The following TMEM92 variants were observed in gnomAD, a reference collection of about 807,000 sequenced individuals.
The protein encoded by TMEM92 is transmembrane protein 92.
A neutral mutation model predicts 14.6 loss-of-function variants in TMEM92; 15 were observed. The observed-to-expected ratio is 1.03, with a 90% CI of 0.69 to 1.58. TMEM92 has a LOEUF of 1.58. Among genes scored for constraint, TMEM92 ranks in the 40% most tolerant of loss-of-function variants. The pLI is 0.00. For missense variants in TMEM92, 174 were observed against 202.4 expected, an observed-to-expected ratio of 0.86 and a Z score of 0.85; for synonymous variants, 85 against 83.3, an observed-to-expected ratio of 1.02 and a Z score of -0.11.
At chr17:50,274,178 A>G (rs1380916760), upstream of TMEM92, among the ~76,000 whole-genome samples, 2 of 151,792 alleles carry the variant, frequency 1.3e-5, no homozygotes, top group Admixed American at 6.6e-5. Context: ...GGGGGGTCTC[A>G]CCATGTAGGC....
upstream of TMEM92, among the ~76,000 whole-genome samples, chr17:50,272,831 G>A (rs1167011186): frequency 6.6e-6 from 1 of 151,818 alleles, no homozygotes; most frequent in Non-Finnish European, 1.5e-5. Flanking sequence ...AGACGCCTCC[G>A]CCGAGGCAGA....
intron 1 of TMEM92, among the ~76,000 whole-genome samples, chr17:50,275,832 T>G (rs908025423): frequency 1.3e-5 from 2 of 152,012 alleles, no homozygotes; most frequent in Non-Finnish European, 2.9e-5. Context: ...TCTCTGTATA[T>G]ATATATTTTT....
upstream of TMEM92, among the ~76,000 whole-genome samples, chr17:50,272,391 T>C (rs879769159): frequency 6.6e-5 from 10 of 152,228 alleles, no homozygotes; most frequent in Non-Finnish European, 1.0e-4. Flanking sequence ...GCTCCCAGCC[T>C]GGGCAGGATA....
At chr17:50,273,326 C>T (rs1910314700), upstream of TMEM92, among the ~76,000 whole-genome samples, 1 of 152,172 alleles carries the variant, frequency 6.6e-6, no homozygotes, top group Non-Finnish European at 1.5e-5. Flanking sequence ...GACGCTGCCA[C>T]CTGCCGGCCG....
upstream of TMEM92, among the ~76,000 whole-genome samples, chr17:50,272,238 A>C (rs1214351190): frequency 5.7e-5 from 8 of 139,522 alleles, no homozygotes; most frequent in South Asian, 2.3e-4. Flanking sequence ...CCTCACCCCC[A>C]CTCCTGCTGA....
chr17:50,272,119 G>A (rs886460670), upstream of TMEM92, among the ~76,000 whole-genome samples: 2 of 151,912 alleles, frequency 1.3e-5, no homozygotes, highest in African/African-American at 4.8e-5. Context: ...TCTTTTGTCC[G>A]GCAACCCTAG....
upstream of TMEM92, chr17:50,271,634 G>A (rs1366031828): frequency 1.3e-5 from 2 of 152,110 alleles, no homozygotes; most frequent in African/African-American, 4.8e-5. Flanking sequence ...GGTTATAAGC[G>A]TGAGCCACTG....
At position 50,280,394 on chromosome 17, in the gene TMEM92, C is replaced by A. The variant is rs535627886; in HGVS notation, c.*1086C>A. 6.6e-6 allele frequency: 1 copy of A among 152,354 alleles called. No homozygotes were observed. The highest frequency in any genetic ancestry group is 6.5e-5 in the Admixed American group (1 of 15,306). 9.4% of individuals were successfully genotyped at this position (152,354 alleles called of 1,614,324 possible). ...AGCCCCGCTCGCTCGTGGGAGTTAA[C>A]CCCCTAGGGGAGAAGAGTCTTCACT... is the stretch of plus-strand genomic sequence containing the variant. On this transcript the variant is annotated 3_prime_UTR_variant, in exon 5 of 5. Transcript: ENST00000507382.
intron 4 of TMEM92, 51 bp downstream of exon 4, chr17:50,279,047 G>C: frequency 6.9e-7 from 1 of 1,445,074 alleles, no homozygotes; most frequent in Non-Finnish European, 9.7e-7. Context: ...CTGTGCAGCA[G>C]AGACAGTGGA....
chr17:50,273,433 C>G (rs1394504262), upstream of TMEM92, among the ~76,000 whole-genome samples: 1 of 152,220 alleles, frequency 6.6e-6, no homozygotes, highest in Non-Finnish European at 1.5e-5. Context: ...CGGGGTCTTT[C>G]CAGGAATCTG....
At chr17:50,276,868 G>T (rs1393354977) in intron 1 of TMEM92, among the ~76,000 whole-genome samples, 1 of 152,196 alleles carries the variant, frequency 6.6e-6, no homozygotes, top group African/African-American at 2.4e-5. Context: ...GTTGACAAGA[G>T]GTGTGGAGAA....
At position 50,279,377 on chromosome 17, in the gene TMEM92, C is replaced by G. The variant is rs1323506887; in HGVS notation, c.*69C>G. 1 of 1,233,914 alleles carries G rather than the reference C, an allele frequency of 8.1e-7. No homozygotes were observed. The highest frequency in any genetic ancestry group is 1.2e-6 in the Non-Finnish European group (1 of 842,582). The allele number at this position is 1,233,914 out of a possible 1,614,324, so 76.4% of individuals were successfully genotyped here. ...AGTGCCTCCTGGATCAAGCTAGAGA[C>G]TGCTGGCACCCCAGGAATGTCCCTG... On this transcript the variant is annotated 3_prime_UTR_variant, in exon 5 of 5. Transcript: ENST00000507382.
Position 50,274,519 on chromosome 17 carries a change from C to T in TMEM92, c.18C>T (p.Val6=), listed in dbSNP as rs1229780687. MSQAW[V]PGLAPTLLFS... Reference sequence around the variant, plus strand: ...AAGCCAGGATGTCCCAAGCTTGGGTCCCCGGCCTCGCGCCCACCTTGCTGT... The same window carrying T: ...AAGCCAGGATGTCCCAAGCTTGGGTTCCCGGCCTCGCGCCCACCTTGCTGT... Residue 6 remains valine, a synonymous_variant, in exon 1 of 5, where the codon GTC becomes GTT. Transcript: ENST00000507382. The T allele has an allele frequency of 1.2e-6, 2 of 1,613,852 alleles. No homozygotes were observed. Among genetic ancestry groups the T allele is most frequent in the African/African-American group, 1.3e-5 (1 of 75,048 alleles).
chr17:50,274,361 A>AGCCCCTCCCT (rs1360461874), upstream of TMEM92: 15 of 785,726 alleles, frequency 1.9e-5, no homozygotes, highest in East Asian at 4.0e-4. Context: ...TCCTCCTCCC[A>AGCCCCTCCCT]GCCCCTCCCT....
chr17:50,271,492 A>C (rs1910243736), upstream of TMEM92: 1 of 152,360 alleles, frequency 6.6e-6, no homozygotes, highest in East Asian at 1.9e-4. Flanking sequence ...GACTACAGGT[A>C]CATGCCACCA....
At chr17:50,274,289 A>T, upstream of TMEM92, 2 of 575,134 alleles carry the variant, frequency 3.5e-6, no homozygotes, top group Non-Finnish European at 6.1e-6. Flanking sequence ...AAAATCCGTT[A>T]ATCTCTTCTA....
intron 1 of TMEM92, among the ~76,000 whole-genome samples, chr17:50,276,511 A>AT (rs1910437590): frequency 6.6e-6 from 1 of 152,200 alleles, no homozygotes; most frequent in African/African-American, 2.4e-5. Context: ...CAATTGAAAT[A>AT]TTTTATAAAG....
At chr17:50,278,751 C>A in intron 3 of TMEM92, 50 bp from the exon 4 acceptor site, 2 of 1,576,998 alleles carry the variant, frequency 1.3e-6, no homozygotes, top group Non-Finnish European at 1.7e-6. Context: ...TGTAGGGAGT[C>A]CCCAGGGTGG....
chr17:50,279,094 A>T (rs1910528179), intron 4 of TMEM92, 98 bp downstream of exon 4: 4 of 1,435,928 alleles, frequency 2.8e-6, no homozygotes, highest in African/African-American at 2.8e-5. Flanking sequence ...TGCACCCAGC[A>T]TTGGGTCACC....
Sources: gnomAD v4.1 joint callset for allele counts (sites outside exome capture counted in the v4.1 genomes callset) on GRCh38, gnomAD v4.1.1 for gene constraint, MANE v1.5 for transcripts, NCBI Gene and HGNC (gene_info 2026-07-23, HGNC 2026-07-21) for gene names.